SPECC1L: variants seen among roughly 807,000 people sequenced by gnomAD.
The protein encoded by SPECC1L is cytospin-A.
Under a neutral mutation model 116.8 loss-of-function variants are expected in SPECC1L, and 40 were observed. That is an observed-to-expected ratio of 0.34 (90% CI 0.27 to 0.45). The LOEUF (loss-of-function observed/expected upper bound fraction) is 0.45, where lower values mean the gene tolerates loss of function less well. SPECC1L is among the 20% of genes least tolerant of loss of function. The pLI is 1.00. For missense variants in SPECC1L, 1,110 were observed against 1,373.6 expected, an observed-to-expected ratio of 0.81 and a Z score of 3.03; for synonymous variants, 504 against 500.6, an observed-to-expected ratio of 1.01 and a Z score of -0.09.
chr22:24,368,418 A>G (rs937816110), intron 13 of SPECC1L, among the ~76,000 whole-genome samples: 2 of 152,230 alleles, frequency 1.3e-5, no homozygotes, highest in East Asian at 1.9e-4. Flanking sequence ...CCTAAAGTCA[A>G]AAAACAGTGT....
chr22:24,334,518 A>G lies in SPECC1L; in HGVS notation c.2505A>G (p.Ser835=), dbSNP rs1477879125. ...TGAGTAGAAGGTCCTCGACTTCCTCAGAGCCAACTCCTACAGTAAAAACCC... is the reference window on the plus strand; with the variant it reads ...TGAGTAGAAGGTCCTCGACTTCCTCGGAGCCAACTCCTACAGTAAAAACCC... The part of the protein sequence containing the change: ...MGLSRRSSTS[S]EPTPTVKTLI... The change falls in exon 9 of 17, where the codon TCA becomes TCG. Residue 835 remains serine, a synonymous_variant. Coordinates refer to ENST00000314328, the MANE Select transcript of SPECC1L (RefSeq NM_015330.6). 6.2e-7 allele frequency: 1 copy of G among 1,614,226 alleles called. No homozygotes were observed. The highest frequency in any genetic ancestry group is 8.5e-7 in the Non-Finnish European group (1 of 1,180,032).
intron 14 of SPECC1L, among the ~76,000 whole-genome samples, chr22:24,397,518 G>T (rs1482778453): frequency 6.6e-6 from 1 of 152,052 alleles, no homozygotes; most frequent in Non-Finnish European, 1.5e-5. Flanking sequence ...GGTGAGGTTG[G>T]GTGGGTGATC....
intron 14 of SPECC1L, among the ~76,000 whole-genome samples, chr22:24,405,838 C>CAAAAAAA (rs35648769): frequency 3.7e-5 from 5 of 136,510 alleles, no homozygotes; most frequent in South Asian, 2.4e-4. Flanking sequence ...GACTCTGCCT[C>CAAAAAAA]AAAAAAAAAA....
At chr22:24,316,542 C>T (rs2040571388) in intron 4 of SPECC1L, among the ~76,000 whole-genome samples, 1 of 150,590 alleles carries the variant, frequency 6.6e-6, no homozygotes, top group Non-Finnish European at 1.5e-5. Context: ...CGCCCTTAAT[C>T]CATTTAACCC....
intron 4 of SPECC1L, among the ~76,000 whole-genome samples, chr22:24,314,751 C>T (rs764654440): frequency 1.4e-4 from 22 of 152,308 alleles, no homozygotes; most frequent in Middle Eastern, 3.4e-3. Context: ...AGATTCAGGT[C>T]CCCTGTCCCC....
chr22:24,280,489 C>T (rs1219524128), intron 2 of SPECC1L, among the ~76,000 whole-genome samples: 1 of 151,408 alleles, frequency 6.6e-6, no homozygotes, highest in Non-Finnish European at 1.5e-5. Context: ...CTTAAGGTCT[C>T]TGTTGCATCT....
intron 6 of SPECC1L, among the ~76,000 whole-genome samples, chr22:24,326,894 ATTAT>A (rs1382684811): frequency 6.6e-6 from 1 of 152,142 alleles, no homozygotes; most frequent in Non-Finnish European, 1.5e-5. Context: ...ATACAGCATT[ATTAT>A]TTATTTGTAA....
intron 14 of SPECC1L, among the ~76,000 whole-genome samples, chr22:24,388,291 TC>T (rs1168286303): frequency 2.8e-5 from 4 of 142,424 alleles, no homozygotes; most frequent in Non-Finnish European, 4.5e-5. Flanking sequence ...GTCCATGTGT[TC>T]TCATTGTTCA....
At chr22:24,282,998 G>A (rs563361177) in intron 2 of SPECC1L, among the ~76,000 whole-genome samples, 7 of 151,862 alleles carry the variant, frequency 4.6e-5, no homozygotes, top group African/African-American at 1.2e-4. Flanking sequence ...GGCTGGTCTC[G>A]AACTCTTGAC....
At chr22:24,412,040 C>G (rs752890120) in intron 15 of SPECC1L, 62 of 414,708 alleles carry the variant, frequency 1.5e-4, no homozygotes, top group Non-Finnish European at 2.4e-4. Context: ...CAGTGCTGAC[C>G]AGGCCAGGCC....
intron 11 of SPECC1L, among the ~76,000 whole-genome samples, chr22:24,352,030 T>A (rs2041435975): frequency 6.6e-6 from 1 of 152,174 alleles, no homozygotes. Context: ...AATAGTTTTT[T>A]TTTTTAAATC....
At chr22:24,392,593 A>G (rs2042292565) in intron 14 of SPECC1L, among the ~76,000 whole-genome samples, 1 of 152,188 alleles carries the variant, frequency 6.6e-6, no homozygotes, top group Non-Finnish European at 1.5e-5. Flanking sequence ...CTGCCTCATG[A>G]TAAATGATTA....
intron 4 of SPECC1L, among the ~76,000 whole-genome samples, chr22:24,319,932 ATT>A (rs2040686592): frequency 6.6e-6 from 1 of 152,230 alleles, no homozygotes; most frequent in Non-Finnish European, 1.5e-5. Context: ...ATTTACAGGT[ATT>A]TAAACATATT....
intron 14 of SPECC1L, among the ~76,000 whole-genome samples, chr22:24,409,156 GATA>G (rs2042646223): frequency 6.6e-6 from 1 of 152,204 alleles, no homozygotes; most frequent in African/African-American, 2.4e-5. Flanking sequence ...ATAATATAAT[GATA>G]ATAATAGTGT....
intron 10 of SPECC1L, among the ~76,000 whole-genome samples, chr22:24,341,038 T>C (rs529469581): frequency 6.6e-6 from 1 of 152,238 alleles, no homozygotes; most frequent in East Asian, 1.9e-4. Context: ...GCCCACAGTC[T>C]TTTCCTGGAG....
In SPECC1L at chr22:24,414,714, C is replaced by T; in HGVS notation, c.*91C>T. 1 of 1,100,096 alleles carries T rather than the reference C, an allele frequency of 9.1e-7. No individual in the cohort carries two copies. The highest frequency in any genetic ancestry group is 1.4e-6 in the Non-Finnish European group (1 of 734,638). The allele number at this position is 1,100,096 out of a possible 1,614,324, so 68.1% of individuals were successfully genotyped here. ...CCATTAGCTACGCACCCCTGTAAAG[C>T]TTCCAGCAACTCTGGGCTGCCCCAC... On this transcript the variant is annotated 3_prime_UTR_variant, in exon 17 of 17. Transcript: ENST00000314328.
intron 3 of SPECC1L, among the ~76,000 whole-genome samples, chr22:24,310,954 T>C (rs2146434325): frequency 6.6e-6 from 1 of 152,338 alleles, no homozygotes; most frequent in South Asian, 2.1e-4. Context: ...TGGTGTGAAA[T>C]AGGTCTCAGC....
intron 14 of SPECC1L, among the ~76,000 whole-genome samples, chr22:24,374,067 A>G (rs1185660549): frequency 6.6e-6 from 1 of 152,104 alleles, no homozygotes; most frequent in African/African-American, 2.4e-5. Context: ...CAAAACCACA[A>G]TGAGATACCA....
intron 3 of SPECC1L, among the ~76,000 whole-genome samples, chr22:24,307,790 C>T (rs1321653713): frequency 6.6e-6 from 1 of 151,780 alleles, no homozygotes; most frequent in Non-Finnish European, 1.5e-5. Context: ...CCTTCTGCCT[C>T]ACCCTCCCAA....
Sources: gnomAD v4.1 joint callset for allele counts (sites outside exome capture counted in the v4.1 genomes callset) on GRCh38, gnomAD v4.1.1 for gene constraint, MANE v1.5 for transcripts, NCBI Gene and HGNC (gene_info 2026-07-23, HGNC 2026-07-21) for gene names.